Variants in AAAS observed in about 807,000 individuals in gnomAD.
The protein encoded by AAAS is aladin.
A neutral mutation model predicts 75.6 loss-of-function variants in AAAS; 60 were observed. The ratio of observed to expected loss-of-function variants is 0.79; its 90% confidence interval spans 0.64 to 0.98. The LOEUF (loss-of-function observed/expected upper bound fraction) is 0.98. Among genes scored for constraint, AAAS ranks in the 50% least tolerant of loss-of-function variants. AAAS has a pLI of 0.00. For missense variants in AAAS, 658 were observed against 686.9 expected, an observed-to-expected ratio of 0.96 and a Z score of 0.47; for synonymous variants, 271 against 265.0, an observed-to-expected ratio of 1.02 and a Z score of -0.22.
intron 1 of AAAS, 72 bp downstream of exon 1, chr12:53,321,271 T>C: frequency 6.3e-7 from 1 of 1,583,072 alleles, no homozygotes; most frequent in Non-Finnish European, 8.6e-7. Flanking sequence ...CCTGTCACAC[T>C]GCCTCCTTTC....
chr12:53,315,533 C>G, intron 3 of AAAS, 107 bp from the exon 4 acceptor site: 1 of 1,214,314 alleles, frequency 8.2e-7, no homozygotes, highest in Non-Finnish European at 1.2e-6. Flanking sequence ...GTCCTTCTGC[C>G]CAGTAAGTGC....
rs1167531171 is a variant in AAAS, at chr12:53,307,647, TAAAACGTGGA to T, written c.1473_1482del (p.Phe491LeufsTer57). ...TCCTGGGCCCGCCCAAGCACTGGGC[TAAAACGTGGA>T]AACTGGGCATTGACAAAGTACAGCG... On this transcript the variant is annotated frameshift_variant, in exon 16 of 16. Transcript: ENST00000209873. LOFTEE classifies it high-confidence loss of function. 6 of 1,614,030 alleles carry T rather than the reference TAAAACGTGGA, an allele frequency of 3.7e-6. No individual in the cohort carries two copies. Among genetic ancestry groups the T allele is most frequent in the Non-Finnish European group, 4.2e-6 (5 of 1,180,042 alleles).
At chr12:53,318,237 T>TGC (rs1233549494) in intron 2 of AAAS, among the ~76,000 whole-genome samples, 7 of 130,932 alleles carry the variant, frequency 5.3e-5, no homozygotes, top group African/African-American at 2.2e-4. Flanking sequence ...TGTGTGTGTG[T>TGC]GTGTGTGCGT....
chr12:53,321,531 C>T lies in AAAS; in HGVS notation c.-66G>A. 1.9e-6 allele frequency: 3 copies of T among 1,610,004 alleles called. No individual in the cohort carries two copies. The South Asian group carries it at 3.3e-5, about 18-fold the overall frequency. On this transcript the variant is annotated 5_prime_UTR_variant, in exon 1 of 16. Coordinates refer to ENST00000209873, the MANE Select transcript of AAAS (RefSeq NM_015665.6). ...GCCGGAACGGCACAGACCGCACTCC[C>T]GCAACTCGGTTCCCGGGCTAGATTC...
intron 3 of AAAS, 95 bp from the exon 4 acceptor site, chr12:53,315,521 A>C: frequency 1.6e-6 from 2 of 1,268,610 alleles, no homozygotes; most frequent in Non-Finnish European, 1.1e-6. Context: ...GGCACTCCCC[A>C]GGTCCTTCTG....
intron 11 of AAAS, 56 bp downstream of exon 11, chr12:53,308,669 A>G: frequency 6.2e-7 from 1 of 1,605,792 alleles, no homozygotes; most frequent in Non-Finnish European, 8.5e-7. Flanking sequence ...GCATCTTACC[A>G]AAGGTTGCTG....
chr12:53,314,094 C>T (rs1944429711), intron 7 of AAAS, among the ~76,000 whole-genome samples: 1 of 152,104 alleles, frequency 6.6e-6, no homozygotes, highest in Non-Finnish European at 1.5e-5. Flanking sequence ...GACACATTGT[C>T]CCCACAATCC....
At chr12:53,316,327 G>A (rs1470056989) in intron 2 of AAAS, among the ~76,000 whole-genome samples, 1 of 150,434 alleles carries the variant, frequency 6.6e-6, no homozygotes, top group African/African-American at 2.5e-5. Context: ...GTGCGTACCT[G>A]TAGTCCCAGC....
At chr12:53,315,916 A>T in intron 2 of AAAS, 134 bp from the exon 3 acceptor site, 1 of 942,224 alleles carries the variant, frequency 1.1e-6, no homozygotes, top group Non-Finnish European at 1.7e-6. Context: ...TGTACCAGGC[A>T]CTCTACGGGC....
chr12:53,309,539 A>G (rs1425354313), intron 8 of AAAS, 62 bp downstream of exon 8: 3 of 1,611,640 alleles, frequency 1.9e-6, no homozygotes, highest in Non-Finnish European at 2.5e-6. Flanking sequence ...ATGTTTCCAC[A>G]ACCGAGTGAG....
At chr12:53,315,655 C>T (rs144618684) in intron 3 of AAAS, 72 bp downstream of exon 3, 4 of 1,552,678 alleles carry the variant, frequency 2.6e-6, no homozygotes, top group Non-Finnish European at 3.5e-6. Flanking sequence ...CAACAGGTGT[C>T]GGGGGTGAGT....
chr12:53,318,200 A>AT (rs1199086026), intron 2 of AAAS, among the ~76,000 whole-genome samples: 1 of 141,462 alleles, frequency 7.1e-6, no homozygotes, highest in Non-Finnish European at 1.5e-5. Flanking sequence ...TAATTTTTAA[A>AT]TTTTTTGTAG....
intron 6 of AAAS, 50 bp from the exon 7 acceptor site, chr12:53,314,491 C>T (rs1426466072): frequency 6.2e-7 from 1 of 1,611,524 alleles, no homozygotes; most frequent in Non-Finnish European, 8.5e-7. Flanking sequence ...ACTAAGGCTC[C>T]AGGGACCAGA....
chr12:53,312,958 G>C (rs572438815), intron 7 of AAAS, among the ~76,000 whole-genome samples: 40 of 151,090 alleles, frequency 2.6e-4, no homozygotes, highest in African/African-American at 9.5e-4. Context: ...CCAGGTTCAA[G>C]TGACTCTCCT....
At chr12:53,314,628 G>T in intron 6 of AAAS, 123 bp downstream of exon 6, 1 of 1,326,908 alleles carries the variant, frequency 7.5e-7, no homozygotes, top group Non-Finnish European at 1.1e-6. Context: ...GAGCTTCCCT[G>T]ACCCCAGTTC....
chr12:53,308,888 A>T (rs1011231660), intron 10 of AAAS, 72 bp downstream of exon 10: 5 of 1,613,000 alleles, frequency 3.1e-6, no homozygotes, highest in Non-Finnish European at 4.2e-6. Flanking sequence ...AGAGGTGGCC[A>T]GGTTTGGGAG....
At chr12:53,319,958 T>C (rs1355576167) in intron 2 of AAAS, among the ~76,000 whole-genome samples, 3 of 146,882 alleles carry the variant, frequency 2.0e-5, no homozygotes, top group East Asian at 2.1e-4. Context: ...CTGTCTCTAC[T>C]AAAAATACAA....
At chr12:53,321,190 C>T in intron 1 of AAAS, 153 bp downstream of exon 1, 1 of 1,240,728 alleles carries the variant, frequency 8.1e-7, no homozygotes, top group Non-Finnish European at 1.1e-6. Context: ...AGTCCTAAAA[C>T]AGATTCCAGC....
At chr12:53,314,487 G>A in intron 6 of AAAS, 46 bp from the exon 7 acceptor site, 1 of 1,612,180 alleles carries the variant, frequency 6.2e-7, no homozygotes, top group East Asian at 2.2e-5. Flanking sequence ...GAACACTAAG[G>A]CTCCAGGGAC....
Sources: allele counts gnomAD v4.1 joint callset (sites outside exome capture counted in the v4.1 genomes callset), GRCh38; gene constraint gnomAD v4.1.1; transcripts MANE v1.5; gene names NCBI Gene and HGNC (gene_info 2026-07-23, HGNC 2026-07-21).